Variants in CNTNAP2 observed in about 807,000 individuals in gnomAD.
The protein encoded by CNTNAP2 is contactin-associated protein-like 2.
A neutral mutation model predicts 155.2 loss-of-function variants in CNTNAP2; 98 were observed. The ratio of observed to expected loss-of-function variants is 0.63; its 90% confidence interval spans 0.54 to 0.75. The LOEUF (loss-of-function observed/expected upper bound fraction) is 0.75, where lower values mean the gene tolerates loss of function less well. Ranked by LOEUF, CNTNAP2 falls within the 30% of genes least tolerant of loss-of-function variation. The probability of loss-of-function intolerance (pLI) is 0.00; values close to 1 mark genes in which losing one functional copy is unlikely to be tolerated. For missense variants in CNTNAP2, 1,727 were observed against 1,688.1 expected (o/e 1.02, Z -0.40); for synonymous variants, 651 against 631.2 (o/e 1.03, Z -0.47).
chr7:146,921,051 A>G (rs1359417363), intron 3 of CNTNAP2, among the ~76,000 whole-genome samples: 1 of 152,204 alleles, frequency 6.6e-6, no homozygotes, highest in Non-Finnish European at 1.5e-5. Flanking sequence ...TACATGTTGT[A>G]TGATTCCATG....
intron 11 of CNTNAP2, among the ~76,000 whole-genome samples, chr7:147,525,280 CAT>C (rs1799298647): frequency 2.6e-5 from 4 of 152,108 alleles, no homozygotes; most frequent in South Asian, 4.1e-4. Context: ...TGGCAAATGA[CAT>C]GTGTGTCTGT....
At chr7:146,477,985 G>T (rs1298029968) in intron 1 of CNTNAP2, among the ~76,000 whole-genome samples, 1 of 152,082 alleles carries the variant, frequency 6.6e-6, no homozygotes, top group African/African-American at 2.4e-5. Flanking sequence ...GCCTCAGAAA[G>T]ATTAAGTGGT....
intron 11 of CNTNAP2, among the ~76,000 whole-genome samples, chr7:147,518,039 C>T (rs1034938496): frequency 1.3e-5 from 2 of 152,164 alleles, no homozygotes; most frequent in African/African-American, 4.8e-5. Flanking sequence ...TCGAGTGATC[C>T]TCCCACCTCA....
chr7:147,258,909 C>T (rs944516669), intron 8 of CNTNAP2, among the ~76,000 whole-genome samples: 5 of 152,138 alleles, frequency 3.3e-5, no homozygotes, highest in African/African-American at 1.2e-4. Context: ...ATTGTTTTTT[C>T]CTGGATGAGT....
At chr7:147,612,023 A>G (rs928763845) in intron 12 of CNTNAP2, among the ~76,000 whole-genome samples, 2 of 152,228 alleles carry the variant, frequency 1.3e-5, no homozygotes, top group African/African-American at 4.8e-5. Context: ...TCTTCAACTT[A>G]TCCACCGGGA....
At chr7:148,278,235 G>A (rs889558865) in intron 21 of CNTNAP2, among the ~76,000 whole-genome samples, 2 of 152,108 alleles carry the variant, frequency 1.3e-5, no homozygotes, top group African/African-American at 2.4e-5. Flanking sequence ...CTTAGGAGGT[G>A]GATGCAGGAG....
At chr7:146,168,696 C>G (rs958431574) in intron 1 of CNTNAP2, among the ~76,000 whole-genome samples, 1 of 152,208 alleles carries the variant, frequency 6.6e-6, no homozygotes, top group Admixed American at 6.5e-5. Flanking sequence ...CTTTCTCACT[C>G]CTTTCAATTC....
intron 12 of CNTNAP2, among the ~76,000 whole-genome samples, chr7:147,590,948 T>C (rs78429240): frequency 1.5e-3 from 223 of 152,298 alleles, no homozygotes; most frequent in African/African-American, 5.0e-3. Flanking sequence ...CTTTTATGGT[T>C]CTAATAGCAT....
At position 147,518,771 on chromosome 7, in the gene CNTNAP2, C is replaced by T. The variant is rs559881207; in HGVS notation, c.1777+32730C>T. 3.3e-5 allele frequency among the ~76,000 whole-genome samples: 5 copies of T among 152,278 alleles called. No homozygotes were observed. The South Asian group carries it at 8.3e-4, about 25-fold the overall frequency. On this transcript the variant is annotated intron_variant, in intron 11 of 23. Transcript: ENST00000361727. Reference sequence around the variant, plus strand: ...TATGGCTGGGCGTGGTGGCTCACGCCTGTAATCCCAGCACTTTGGGAGGGC... The same window carrying T: ...TATGGCTGGGCGTGGTGGCTCACGCTTGTAATCCCAGCACTTTGGGAGGGC...
chr7:148,174,872 A>G (rs1209357508), intron 18 of CNTNAP2, among the ~76,000 whole-genome samples: 1 of 152,050 alleles, frequency 6.6e-6, no homozygotes, highest in African/African-American at 2.4e-5. Context: ...AGCCCCATAT[A>G]CATTAGGTAT....
chr7:146,798,383 C>G (rs912538563), intron 2 of CNTNAP2, among the ~76,000 whole-genome samples: 1 of 152,092 alleles, frequency 6.6e-6, no homozygotes, highest in African/African-American at 2.4e-5. Flanking sequence ...GCTCTGTTGC[C>G]CAAGCTGGAG....
intron 1 of CNTNAP2, among the ~76,000 whole-genome samples, chr7:146,474,251 T>C (rs935357442): frequency 2.0e-5 from 3 of 149,902 alleles, no homozygotes; most frequent in African/African-American, 7.3e-5. Flanking sequence ...AAATAAACTA[T>C]TTGTTTCTGA....
intron 2 of CNTNAP2, among the ~76,000 whole-genome samples, chr7:146,787,613 A>G (rs1802597413): frequency 6.6e-6 from 1 of 152,148 alleles, no homozygotes; most frequent in African/African-American, 2.4e-5. Flanking sequence ...AGCAGCAGCA[A>G]GATTTATTGT....
At chr7:147,815,637 C>T (rs1798252177) in intron 13 of CNTNAP2, among the ~76,000 whole-genome samples, 1 of 152,166 alleles carries the variant, frequency 6.6e-6, no homozygotes, top group Non-Finnish European at 1.5e-5. Flanking sequence ...TCTGTAACCA[C>T]AATTTCGTGT....
chr7:147,539,503 ACT>A (rs1799604125), intron 11 of CNTNAP2, among the ~76,000 whole-genome samples: 1 of 152,204 alleles, frequency 6.6e-6, no homozygotes, highest in African/African-American at 2.4e-5. Context: ...TGGAGAAGCC[ACT>A]AGGATAGTCT....
intron 3 of CNTNAP2, among the ~76,000 whole-genome samples, chr7:146,858,247 G>GATTCTC (rs1411794201): frequency 6.6e-6 from 1 of 152,144 alleles, no homozygotes. Flanking sequence ...ATGATATACA[G>GATTCTC]ATTCTCTGCA....
intron 1 of CNTNAP2, among the ~76,000 whole-genome samples, chr7:146,278,609 A>C (rs779974747): frequency 4.6e-5 from 7 of 152,200 alleles, no homozygotes; most frequent in Non-Finnish European, 8.8e-5. Context: ...TAGTATAAAA[A>C]GGTAACTAAA....
chr7:147,802,782 AGGGAGG>A (rs1168526740), intron 13 of CNTNAP2, among the ~76,000 whole-genome samples: 4 of 44,288 alleles, frequency 9.0e-5, no homozygotes, highest in Non-Finnish European at 1.6e-4. Flanking sequence ...GGAGAGGGAG[AGGGAGG>A]GGGAGGGGGA....
rs182876583 is a variant in CNTNAP2, at chr7:147,311,154, A to G, written c.1498+10864A>G. Among the ~76,000 whole-genome samples the G allele has an allele frequency of 7.0e-4, 106 of 152,312 alleles. 1 individual carries two copies. The highest frequency in any genetic ancestry group is 1.2e-3 in the Admixed American group (19 of 15,302). ...TTGCTAAAACTGGATTTTACAAGAGAGTAAACAGATGGGCCTAGGAGAAAG... is the reference window on the plus strand; with the variant it reads ...TTGCTAAAACTGGATTTTACAAGAGGGTAAACAGATGGGCCTAGGAGAAAG... On this transcript the variant is annotated intron_variant, in intron 9 of 23. Transcript: ENST00000361727.
Sources: gnomAD v4.1 joint callset for allele counts (sites outside exome capture counted in the v4.1 genomes callset) on GRCh38, gnomAD v4.1.1 for gene constraint, MANE v1.5 for transcripts, NCBI Gene and HGNC (gene_info 2026-07-23, HGNC 2026-07-21) for gene names.